FHIT: variants seen among roughly 807,000 people sequenced by gnomAD.
The protein encoded by FHIT is fragile histidine triad diadenosine triphosphatase.
In FHIT, 19 loss-of-function variants were observed where a neutral mutation model predicts 17.9. The ratio of observed to expected loss-of-function variants is 1.06; its 90% CI spans 0.74 to 1.56. The LOEUF (loss-of-function observed/expected upper bound fraction) is 1.56. FHIT is among the 40% of genes most tolerant of loss of function. The pLI, the probability that FHIT is intolerant of heterozygous loss-of-function variation, is 0.00. For missense variants in FHIT, 248 were observed against 189.2 expected (o/e 1.31, Z -1.82); for synonymous variants, 81 against 69.7 (o/e 1.16, Z -0.81).
intron 2 of FHIT, among the ~76,000 whole-genome samples, chr3:61,102,062 A>C (rs534394081): frequency 6.6e-6 from 1 of 152,210 alleles, no homozygotes; most frequent in East Asian, 1.9e-4. Flanking sequence ...ATCTTGCCTT[A>C]TTGCCCTGGC....
chr3:59,921,615 T>C (rs1260351349), intron 8 of FHIT, among the ~76,000 whole-genome samples: 1 of 151,990 alleles, frequency 6.6e-6, no homozygotes, highest in Non-Finnish European at 1.5e-5. Context: ...GTGGGGGACA[T>C]ACTTTCTCCT....
At chr3:60,019,294 C>T (rs936537654) in intron 5 of FHIT, among the ~76,000 whole-genome samples, 4 of 151,938 alleles carry the variant, frequency 2.6e-5, no homozygotes, top group Non-Finnish European at 5.9e-5. Flanking sequence ...GGAAAGATGA[C>T]AGTCAAAAGG....
intron 5 of FHIT, among the ~76,000 whole-genome samples, chr3:60,470,058 T>TCTCTC (rs1576711581): frequency 2.8e-5 from 4 of 142,942 alleles, no homozygotes; most frequent in African/African-American, 1.1e-4. Flanking sequence ...CTCTCTTTCT[T>TCTCTC]TCTCTCTCTC....
chr3:60,209,354 A>G (rs1473748982), intron 5 of FHIT, among the ~76,000 whole-genome samples: 5 of 152,192 alleles, frequency 3.3e-5, no homozygotes, highest in Admixed American at 3.3e-4. Flanking sequence ...AGATGATGAC[A>G]TGATGACATG....
chr3:60,320,920 C>T (rs570600180), intron 5 of FHIT, among the ~76,000 whole-genome samples: 114 of 152,266 alleles, frequency 7.5e-4, no homozygotes, highest in Non-Finnish European at 1.4e-3. Flanking sequence ...CACTATTTAA[C>T]TAATTTATTA....
chr3:60,964,495 C>G (rs1045071520), intron 3 of FHIT, among the ~76,000 whole-genome samples: 1 of 152,034 alleles, frequency 6.6e-6, no homozygotes, highest in Admixed American at 6.6e-5. Flanking sequence ...CTGGTTATTT[C>G]GCCCATTAGT....
chr3:60,064,944 C>G (rs1239531148), intron 5 of FHIT, among the ~76,000 whole-genome samples: 1 of 152,196 alleles, frequency 6.6e-6, no homozygotes, highest in Non-Finnish European at 1.5e-5. Context: ...AACACTTACC[C>G]TACTCAAAGT....
At chr3:61,165,280 C>T (rs1174510504) in intron 2 of FHIT, among the ~76,000 whole-genome samples, 1 of 152,108 alleles carries the variant, frequency 6.6e-6, no homozygotes, top group African/African-American at 2.4e-5. Context: ...ATCCTTTTTC[C>T]CCACAGCCTC....
intron 7 of FHIT, among the ~76,000 whole-genome samples, chr3:59,983,755 A>G (rs1011174332): frequency 3.3e-5 from 5 of 152,112 alleles, no homozygotes; most frequent in Admixed American, 2.0e-4. Context: ...CCTAGTAATC[A>G]GAGAAGAATG....
At chr3:60,188,207 C>CTTTTT (rs1210975877) in intron 5 of FHIT, among the ~76,000 whole-genome samples, 53 of 125,462 alleles carry the variant, frequency 4.2e-4, no homozygotes, top group East Asian at 1.7e-3. Context: ...CAGTTTCTTT[C>CTTTTT]TTTTTTTTTT....
chr3:60,807,444 C>T (rs1467524994), intron 4 of FHIT, among the ~76,000 whole-genome samples: 3 of 151,716 alleles, frequency 2.0e-5, no homozygotes, highest in African/African-American at 7.3e-5. Flanking sequence ...ATTAAATTAG[C>T]TGGGTATGGT....
chr3:60,812,561 C>A (rs184245509), intron 4 of FHIT, among the ~76,000 whole-genome samples: 1 of 152,270 alleles, frequency 6.6e-6, no homozygotes, highest in East Asian at 1.9e-4. Flanking sequence ...TGGTCTACCT[C>A]TATGTGAAAT....
At chr3:60,466,719 G>A (rs1032829080) in intron 5 of FHIT, among the ~76,000 whole-genome samples, 6 of 151,614 alleles carry the variant, frequency 4.0e-5, no homozygotes, top group South Asian at 2.1e-4. Context: ...AATAAATCCC[G>A]CTTGGTCATG....
chr3:60,759,029 G>A (rs1339354164), intron 4 of FHIT, among the ~76,000 whole-genome samples: 1 of 152,088 alleles, frequency 6.6e-6, no homozygotes, highest in Non-Finnish European at 1.5e-5. Flanking sequence ...ATGAGATGAC[G>A]AGGTGTGGGT....
chr3:59,864,546 A>G (rs192405662), intron 8 of FHIT, among the ~76,000 whole-genome samples: 1 of 151,548 alleles, frequency 6.6e-6, no homozygotes, highest in East Asian at 1.9e-4. Flanking sequence ...TTGTTTAAAT[A>G]TTGGCGCTCT....
intron 5 of FHIT, among the ~76,000 whole-genome samples, chr3:60,463,516 C>T (rs1447970): frequency 0.31 from 47,746 of 151,986 alleles, 10,640 homozygotes; most frequent in African/African-American, 0.62. Flanking sequence ...TACTCCTCTC[C>T]CCCGCCATCC....
intron 4 of FHIT, among the ~76,000 whole-genome samples, chr3:60,589,969 CTT>C (rs2038030853): frequency 6.6e-6 from 1 of 151,978 alleles, no homozygotes; most frequent in South Asian, 2.1e-4. Flanking sequence ...AATTTACAAA[CTT>C]TAGTTTCTGG....
At chr3:60,546,410 C>G (rs917588621) in intron 4 of FHIT, among the ~76,000 whole-genome samples, 1 of 152,124 alleles carries the variant, frequency 6.6e-6, no homozygotes, top group African/African-American at 2.4e-5. Context: ...TTAGTATATT[C>G]CTACCTCCTT....
At chr3:60,023,487 A>C (rs971189776) in intron 5 of FHIT, among the ~76,000 whole-genome samples, 2 of 152,190 alleles carry the variant, frequency 1.3e-5, no homozygotes, top group African/African-American at 4.8e-5. Flanking sequence ...TTTTGAAATT[A>C]TGGATTCCAA....
Sources: allele counts gnomAD v4.1 joint callset (sites outside exome capture counted in the v4.1 genomes callset), GRCh38; gene constraint gnomAD v4.1.1; transcripts MANE v1.5; gene names NCBI Gene and HGNC (gene_info 2026-07-23, HGNC 2026-07-21).